The following DCDC2 variants were observed in gnomAD, a reference collection of about 807,000 sequenced individuals.
DCDC2 encodes doublecortin domain-containing protein 2.
In DCDC2, 40 loss-of-function variants were observed where a neutral mutation model predicts 50.2. That is an observed-to-expected ratio of 0.80 (90% CI 0.62 to 1.04). The LOEUF is 1.04. Ranked by LOEUF, DCDC2 falls within the 50% of genes least tolerant of loss-of-function variation. DCDC2 has a pLI of 0.00. For synonymous variants in DCDC2, 234 were observed against 210.6 expected, an observed-to-expected ratio of 1.11 and a Z score of -0.96; for missense variants, 570 against 581.9, an observed-to-expected ratio of 0.98 and a Z score of 0.21.
chr6:24,289,930 T>G (rs1014750322), intron 5 of DCDC2, among the ~76,000 whole-genome samples: 2 of 140,072 alleles, frequency 1.4e-5, no homozygotes, highest in African/African-American at 5.1e-5. Context: ...CTGGGCACCA[T>G]GAGCAAGCCG....
At chr6:24,206,481 A>G (rs1017529308) in intron 7 of DCDC2, among the ~76,000 whole-genome samples, 1 of 152,226 alleles carries the variant, frequency 6.6e-6, no homozygotes, top group African/African-American at 2.4e-5. Context: ...CAACCATCAT[A>G]GTCAGATGCT....
intron 4 of DCDC2, among the ~76,000 whole-genome samples, chr6:24,301,370 C>CAAAAAA (rs59055669): frequency 6.2e-5 from 4 of 64,074 alleles, no homozygotes; most frequent in Non-Finnish European, 7.9e-5. Context: ...GGCTCCATCT[C>CAAAAAA]AAAAAAAAAA....
chr6:24,306,535 T>TAGACAGACAGACAGAC (rs776918695), intron 2 of DCDC2, among the ~76,000 whole-genome samples: 2 of 119,146 alleles, frequency 1.7e-5, no homozygotes, highest in African/African-American at 6.0e-5. Context: ...GATAGATAGA[T>TAGACAGACAGACAGAC]AGATAGATAG....
Position 24,178,518 on chromosome 6 carries a change from C to T in DCDC2, c.1138G>A (p.Glu380Lys). ...NGDLEEEGGR[E>K]ATDAPEQVEE... is the part of the protein sequence containing the mutation. Reference sequence around the variant, plus strand: ...ACTTGCTCAGGGGCATCTGTAGCCTCCCTACCTCCTTCCTCTTCAAGGTCA... The same window carrying T: ...ACTTGCTCAGGGGCATCTGTAGCCTTCCTACCTCCTTCCTCTTCAAGGTCA... Residue 380 changes from glutamate (E) to lysine (K), a missense_variant, in exon 9 of 10, where the codon GAG becomes AAG. Coordinates refer to ENST00000378454, the MANE Select transcript of DCDC2 (RefSeq NM_016356.5). The T allele has an allele frequency of 6.2e-7, 1 of 1,614,172 alleles. No individual in the cohort carries two copies. Among genetic ancestry groups the T allele is most frequent in the Non-Finnish European group, 8.5e-7 (1 of 1,180,028 alleles).
chr6:24,358,920 A>ATATATT (rs1760558696), upstream of DCDC2, among the ~76,000 whole-genome samples: 2 of 24,752 alleles, frequency 8.1e-5, no homozygotes, highest in African/African-American at 6.3e-4. Flanking sequence ...TATTATATAT[A>ATATATT]TTATATATTA....
At chr6:24,200,059 G>C (rs1289310841) in intron 8 of DCDC2, among the ~76,000 whole-genome samples, 1 of 152,178 alleles carries the variant, frequency 6.6e-6, no homozygotes, top group African/African-American at 2.4e-5. Context: ...GTGATAGGGA[G>C]AATGAAACCA....
chr6:24,369,848 T>C, the DCDC2 span, among the ~76,000 whole-genome samples: 1 of 151,658 alleles, frequency 6.6e-6, no homozygotes, highest in Non-Finnish European at 1.5e-5. Flanking sequence ...GAGACTAGCC[T>C]GGGCAATGTG....
chr6:24,278,462 A>G (rs761676942), intron 6 of DCDC2, among the ~76,000 whole-genome samples: 31 of 152,196 alleles, frequency 2.0e-4, no homozygotes, highest in Non-Finnish European at 3.5e-4. Flanking sequence ...CAGGTATTCT[A>G]TAAAATTGTA....
chr6:24,216,457 A>G (rs1173172508), intron 7 of DCDC2, among the ~76,000 whole-genome samples: 1 of 152,218 alleles, frequency 6.6e-6, no homozygotes, highest in African/African-American at 2.4e-5. Flanking sequence ...AACAGTAATT[A>G]TAGTACAGTA....
chr6:24,327,975 C>T (rs146505723), intron 2 of DCDC2, among the ~76,000 whole-genome samples: 1 of 152,262 alleles, frequency 6.6e-6, no homozygotes, highest in Non-Finnish European at 1.5e-5. Flanking sequence ...GCAGAGATGG[C>T]AAGCACAAAG....
chr6:24,181,630 G>A (rs999492426), intron 8 of DCDC2, among the ~76,000 whole-genome samples: 5 of 152,126 alleles, frequency 3.3e-5, no homozygotes, highest in African/African-American at 1.2e-4. Context: ...CCAGTGAGGT[G>A]AAAGACTTGT....
chr6:24,191,848 G>T (rs1031569876), intron 8 of DCDC2, among the ~76,000 whole-genome samples: 2 of 152,162 alleles, frequency 1.3e-5, no homozygotes, highest in African/African-American at 4.8e-5. Context: ...ATTTGGGAGA[G>T]TAAAGCAAAT....
intron 7 of DCDC2, among the ~76,000 whole-genome samples, chr6:24,241,620 A>G (rs1405745946): frequency 6.6e-6 from 1 of 152,220 alleles, no homozygotes; most frequent in East Asian, 1.9e-4. Flanking sequence ...TTCCATATTC[A>G]TGAAAAGTTT....
At chr6:24,216,296 A>G (rs993829110) in intron 7 of DCDC2, among the ~76,000 whole-genome samples, 3 of 152,122 alleles carry the variant, frequency 2.0e-5, no homozygotes, top group African/African-American at 7.2e-5. Flanking sequence ...AGAAACTCAC[A>G]AAGATCGAAA....
At chr6:24,249,205 A>T (rs1581610885) in intron 7 of DCDC2, among the ~76,000 whole-genome samples, 1 of 152,230 alleles carries the variant, frequency 6.6e-6, no homozygotes, top group African/African-American at 2.4e-5. Context: ...CTATTTTAAA[A>T]GTTAATGTGA....
chr6:24,301,263 C>T (rs1225125333), intron 4 of DCDC2, among the ~76,000 whole-genome samples: 3 of 144,308 alleles, frequency 2.1e-5, no homozygotes, highest in Admixed American at 7.3e-5. Context: ...CCCAGCTACT[C>T]GGGAGGCTGA....
intron 6 of DCDC2, among the ~76,000 whole-genome samples, chr6:24,285,845 G>T (rs548765377): frequency 6.6e-6 from 1 of 152,128 alleles, no homozygotes; most frequent in South Asian, 2.1e-4. Flanking sequence ...CTTTCCCTGT[G>T]ACTTGGGATC....
chr6:24,174,624 C>T lies in DCDC2; in HGVS notation c.*106G>A, dbSNP rs185251729. 3.1e-5 allele frequency: 22 copies of T among 717,942 alleles called. No individual in the cohort carries two copies. Among genetic ancestry groups the T allele is most frequent in the African/African-American group, 2.8e-4 (16 of 56,576 alleles). The allele number at this position is 717,942 out of a possible 1,614,324, so 44.5% of individuals were successfully genotyped here. ...AATGTTATAATTCGTAGGTAGTATTCGACCATAGTGTCACATTATATTCAG... is the reference window on the plus strand; with the variant it reads ...AATGTTATAATTCGTAGGTAGTATTTGACCATAGTGTCACATTATATTCAG... On this transcript the variant is annotated 3_prime_UTR_variant, in exon 10 of 10. Coordinates refer to ENST00000378454, the MANE Select transcript of DCDC2 (RefSeq NM_016356.5).
rs1284814459 is a variant in DCDC2 at position 24,173,247 on chromosome 6, G to C, written c.*1483C>G. 6.6e-6 allele frequency: 1 copy of C among 151,782 alleles called. No homozygotes were observed. Among genetic ancestry groups the C allele is most frequent in the Non-Finnish European group, 1.5e-5 (1 of 67,954 alleles). The allele number at this position is 151,782 out of a possible 1,614,324, so 9.4% of individuals were successfully genotyped here. A position where few individuals can be genotyped will look rare whatever the true frequency, so the allele number is the denominator to read the frequency against. The stretch of plus-strand genomic sequence containing the variant: ...ATCTCTCTGTTTACACTTCTGATCT[G>C]TGGAAAATACCAAAATCATATTAAG... On this transcript the variant is annotated 3_prime_UTR_variant, in exon 10 of 10. Coordinates refer to ENST00000378454, the MANE Select transcript of DCDC2 (RefSeq NM_016356.5).
Sources: gnomAD v4.1 joint callset for allele counts (sites outside exome capture counted in the v4.1 genomes callset) on GRCh38, gnomAD v4.1.1 for gene constraint, MANE v1.5 for transcripts, NCBI Gene and HGNC (gene_info 2026-07-23, HGNC 2026-07-21) for gene names.